Variants in CRISP2 observed in about 807,000 individuals in gnomAD.
The protein encoded by CRISP2 is cysteine-rich secretory protein 2.
A neutral mutation model predicts 31.7 loss-of-function variants in CRISP2; 29 were observed. The observed-to-expected ratio is 0.92, with a 90% CI of 0.68 to 1.25. CRISP2 has a LOEUF of 1.25. CRISP2 is among the 50% of genes most tolerant of loss of function. CRISP2 has a pLI of 0.00. For missense variants in CRISP2, 318 were observed against 286.5 expected (o/e 1.11, Z -0.79); for synonymous variants, 111 against 101.4 (o/e 1.09, Z -0.57).
chr6:49,684,309 T>C, the CRISP2 span, among the ~76,000 whole-genome samples: 1 of 152,190 alleles, frequency 6.6e-6, no homozygotes, highest in African/African-American at 2.4e-5. Flanking sequence ...TAATACCAGA[T>C]ACAATTTAAA....
intron 3 of CRISP2, among the ~76,000 whole-genome samples, chr6:49,710,079 G>A (rs1031338061): frequency 2.6e-5 from 4 of 152,134 alleles, no homozygotes; most frequent in Non-Finnish European, 5.9e-5. Context: ...TTTGTTTCTT[G>A]TGTGTGAGAC....
intron 4 of CRISP2, among the ~76,000 whole-genome samples, chr6:49,701,911 ATATAT>A (rs1433907097): frequency 2.6e-4 from 7 of 27,184 alleles, no homozygotes; most frequent in Admixed American, 8.0e-4. Flanking sequence ...ATTATGTATT[ATATAT>A]TATATTATAT....
chr6:49,699,752 A>G (rs527328167), intron 6 of CRISP2, 52 bp downstream of exon 6: 1 of 1,257,162 alleles, frequency 8.0e-7, no homozygotes, highest in South Asian at 1.3e-5. Context: ...ACAATGCTCT[A>G]TTATTATTTT....
At chr6:49,707,000 C>T (rs1022071166) in intron 4 of CRISP2, among the ~76,000 whole-genome samples, 29 of 152,114 alleles carry the variant, frequency 1.9e-4, no homozygotes, top group African/African-American at 6.7e-4. Context: ...TATTTTCTCT[C>T]GACCTAAAAA....
intron 4 of CRISP2, among the ~76,000 whole-genome samples, chr6:49,706,179 G>C (rs1186005943): frequency 2.6e-5 from 4 of 152,152 alleles, no homozygotes; most frequent in Non-Finnish European, 5.9e-5. Context: ...ATTTGATCAG[G>C]CTGCAAGGTA....
At position 49,698,279 on chromosome 6, in the gene CRISP2, G is replaced by T; in HGVS notation, c.417+83C>A. On this transcript the variant is annotated intron_variant, in intron 7 of 9. Coordinates refer to ENST00000339139, the MANE Select transcript of CRISP2 (RefSeq NM_003296.4). Reference sequence around the variant, plus strand: ...CCCACTCGGACTGTTCTCCTAAATTGAACATTACAGTGGTCATAATTTGGA... The same window carrying T: ...CCCACTCGGACTGTTCTCCTAAATTTAACATTACAGTGGTCATAATTTGGA... The T allele has an allele frequency of 2.0e-6, 3 of 1,464,360 alleles. No homozygotes were observed. The South Asian group carries it at 3.6e-5, about 17-fold the overall frequency. The allele number at this position is 1,464,360 out of a possible 1,614,324, so 90.7% of individuals were successfully genotyped here.
the CRISP2 span, among the ~76,000 whole-genome samples, chr6:49,685,187 G>T: frequency 1.3e-5 from 2 of 152,168 alleles, no homozygotes; most frequent in African/African-American, 4.8e-5. Flanking sequence ...TGAGCAGCAT[G>T]AAATGGTGTT....
At chr6:49,678,001 G>A in the CRISP2 span, among the ~76,000 whole-genome samples, 28 of 152,190 alleles carry the variant, frequency 1.8e-4, no homozygotes, top group East Asian at 3.5e-3. Context: ...AACCTCCTCT[G>A]CTGGAGTTCC....
Position 49,713,192 on chromosome 6 carries a change from T to C in CRISP2, c.-151+283A>G, listed in dbSNP as rs1206266041. ...GAGAAATGACTTCAGGCTTCTACTA[T>C]GATTCAATGGGTCTTATGTACTTAG... On this transcript the variant is annotated intron_variant, in intron 1 of 9. Transcript: ENST00000339139. Among the ~76,000 whole-genome samples the C allele has an allele frequency of 2.0e-5, 3 of 152,182 alleles. No homozygotes were observed. In the East Asian group the frequency reaches 5.8e-4, roughly 29 times the overall value.
chr6:49,705,761 A>G (rs956921133), intron 4 of CRISP2, among the ~76,000 whole-genome samples: 2 of 152,066 alleles, frequency 1.3e-5, no homozygotes, highest in Non-Finnish European at 2.9e-5. Context: ...CTCTAAATTC[A>G]TTTCAGCCTT....
downstream of CRISP2, among the ~76,000 whole-genome samples, chr6:49,688,608 A>G (rs904648267): frequency 2.0e-5 from 3 of 152,144 alleles, no homozygotes; most frequent in Admixed American, 1.3e-4. Context: ...TTACCTGTTG[A>G]GTGGGGATTG....
upstream of CRISP2, among the ~76,000 whole-genome samples, chr6:49,713,758 ATGTC>A (rs1768433714): frequency 6.6e-6 from 1 of 152,160 alleles, no homozygotes; most frequent in African/African-American, 2.4e-5. Flanking sequence ...AGGAAAGAAA[ATGTC>A]TGTTCGCATA....
chr6:49,701,618 ATATACATTATATATG>A (rs1261055392), intron 4 of CRISP2, among the ~76,000 whole-genome samples: 699 of 48,482 alleles, frequency 0.014, 12 homozygotes, highest in Middle Eastern at 0.037. Flanking sequence ...CGGTATATAT[ATATACATTATATATG>A]TATACATTAT....
rs929225609 is a variant in CRISP2, at chr6:49,699,800, A to G, written c.271+4T>C. ...ATTCAACAAATATTTACTAATTTAC[A>G]TACTGGTTTTGCGGTCCTCTGGATC... On this transcript the variant is annotated splice_donor_region_variant and intron_variant, in intron 6 of 9. Coordinates refer to ENST00000339139, the MANE Select transcript of CRISP2 (RefSeq NM_003296.4). 6.3e-7 allele frequency: 1 copy of G among 1,596,396 alleles called. No individual in the cohort carries two copies. The highest frequency in any genetic ancestry group is 8.6e-7 in the Non-Finnish European group (1 of 1,165,170).
intron 4 of CRISP2, among the ~76,000 whole-genome samples, chr6:49,706,550 T>C (rs1378929847): frequency 6.6e-6 from 1 of 152,176 alleles, no homozygotes; most frequent in Admixed American, 6.5e-5. Flanking sequence ...GTATGGGGCC[T>C]GCTAAGCCTG....
chr6:49,683,087 G>T, the CRISP2 span, among the ~76,000 whole-genome samples: 29 of 151,838 alleles, frequency 1.9e-4, no homozygotes, highest in Non-Finnish European at 2.6e-4. Context: ...GAACCCGGAA[G>T]GCAGAGGTTG....
chr6:49,714,112 AGGCTACT>A (rs1388073827), upstream of CRISP2, among the ~76,000 whole-genome samples: 2 of 152,198 alleles, frequency 1.3e-5, no homozygotes, highest in African/African-American at 2.4e-5. Context: ...TCCTGACCCA[AGGCTACT>A]GGCTGCAAGT....
downstream of CRISP2, among the ~76,000 whole-genome samples, chr6:49,691,790 T>C (rs1408315768): frequency 1.3e-5 from 2 of 152,078 alleles, no homozygotes; most frequent in Admixed American, 1.3e-4. Context: ...TTTTGGAAGC[T>C]TTAAGATTAT....
downstream of CRISP2, among the ~76,000 whole-genome samples, chr6:49,691,740 A>G (rs148021991): frequency 1.2e-4 from 18 of 152,122 alleles, no homozygotes; most frequent in East Asian, 3.5e-3. Flanking sequence ...TATTTGACAG[A>G]ATTATGTGGT....
Sources: allele counts gnomAD v4.1 joint callset (sites outside exome capture counted in the v4.1 genomes callset), GRCh38; gene constraint gnomAD v4.1.1; transcripts MANE v1.5; gene names NCBI Gene and HGNC (gene_info 2026-07-23, HGNC 2026-07-21).